The following MCPH1 variants were observed in gnomAD, a reference collection of about 807,000 sequenced individuals.
MCPH1 encodes the protein microcephalin.
A neutral mutation model predicts 84.5 loss-of-function variants in MCPH1; 104 were observed. That is an observed-to-expected ratio of 1.23 (90% CI 1.05 to 1.45). The LOEUF (loss-of-function observed/expected upper bound fraction) is 1.45. Ranked by LOEUF, MCPH1 falls within the 40% of genes most tolerant of loss-of-function variation. The probability of loss-of-function intolerance (pLI) is 0.00; values close to 1 mark genes in which losing one functional copy is unlikely to be tolerated. For missense variants in MCPH1, 1,498 were observed against 1,005.7 expected (o/e 1.49, Z -6.62); for synonymous variants, 514 against 366.8 (o/e 1.40, Z -4.58).
intron 12 of MCPH1, among the ~76,000 whole-genome samples, chr8:6,566,387 C>T (rs1411534221): frequency 2.0e-5 from 3 of 150,872 alleles, no homozygotes; most frequent in East Asian, 2.0e-4. Context: ...CAGCAACCAC[C>T]GTGTGTGGTC....
chr8:6,568,026 C>T (rs1010128285), intron 12 of MCPH1, among the ~76,000 whole-genome samples: 1 of 152,166 alleles, frequency 6.6e-6, no homozygotes, highest in Non-Finnish European at 1.5e-5. Flanking sequence ...TTCAGAGGTT[C>T]CCATGTGTTC....
intron 4 of MCPH1, among the ~76,000 whole-genome samples, chr8:6,434,333 C>G (rs1328910081): frequency 2.6e-5 from 4 of 152,172 alleles, no homozygotes; most frequent in African/African-American, 7.2e-5. Context: ...CTGGCAGAGC[C>G]TCCAGGCAAA....
At position 6,409,525 on chromosome 8, in the gene MCPH1, A is replaced by G. The variant is rs549158124; in HGVS notation, c.114+155A>G. On this transcript the variant is annotated intron_variant, in intron 2 of 13. Coordinates refer to ENST00000344683, the MANE Select transcript of MCPH1 (RefSeq NM_024596.5). ...AAAAGAGCCAAAGTGTGAAGAATTT[A>G]GAACAGTAGGACTTTCAGAACTCAA... Among the ~76,000 whole-genome samples the G allele has an allele frequency of 1.9e-4, 29 of 152,292 alleles. 1 individual carries two copies. The highest frequency in any genetic ancestry group is 2.9e-4 in the Non-Finnish European group (20 of 68,014).
chr8:6,600,155 C>T (rs1251079600), intron 12 of MCPH1, among the ~76,000 whole-genome samples: 1 of 152,228 alleles, frequency 6.6e-6, no homozygotes, highest in African/African-American at 2.4e-5. Context: ...TTGTCCTTTT[C>T]CAAAGGATTA....
At chr8:6,496,525 G>A (rs1002758508) in intron 11 of MCPH1, among the ~76,000 whole-genome samples, 12 of 125,522 alleles carry the variant, frequency 9.6e-5, no homozygotes, top group Non-Finnish European at 1.9e-4. Flanking sequence ...AAGCCCCCCC[G>A]CCCCCCTTCC....
intron 12 of MCPH1, among the ~76,000 whole-genome samples, chr8:6,619,831 G>A (rs757704313): frequency 2.0e-5 from 3 of 152,000 alleles, no homozygotes; most frequent in Non-Finnish European, 2.9e-5. Flanking sequence ...TGACCTGCCC[G>A]CCTCAGCCTC....
chr8:6,409,267 T>C lies in MCPH1; in HGVS notation c.23-12T>C, dbSNP rs578064307. Reference sequence around the variant, plus strand: ...TTCAAATGTATGTTTCATGTTCATATCTTGTTTTCAGATGTAGTGGCCTAT... The same window carrying C: ...TTCAAATGTATGTTTCATGTTCATACCTTGTTTTCAGATGTAGTGGCCTAT... On this transcript the variant is annotated splice_polypyrimidine_tract_variant and intron_variant, in intron 1 of 13. Transcript: ENST00000344683. 4.4e-5 allele frequency: 71 copies of C among 1,600,254 alleles called. No homozygotes were observed. In the South Asian group the frequency reaches 6.2e-4, roughly 14 times the overall value.
chr8:6,581,988 C>T (rs552192697), intron 12 of MCPH1, among the ~76,000 whole-genome samples: 1 of 152,118 alleles, frequency 6.6e-6, no homozygotes, highest in South Asian at 2.1e-4. Context: ...CTAAAGGCAC[C>T]ACCTCCCAGT....
chr8:6,413,271 A>ATCG (rs67194416), intron 2 of MCPH1, among the ~76,000 whole-genome samples: 1 of 504 alleles, frequency 2.0e-3, no homozygotes, highest in Non-Finnish European at 0.014. Context: ...GTTGTCACTT[A>ATCG]TTGTTTGCAT....
intron 12 of MCPH1, among the ~76,000 whole-genome samples, chr8:6,570,287 T>C (rs1271102587): frequency 6.6e-6 from 1 of 152,210 alleles, no homozygotes; most frequent in Non-Finnish European, 1.5e-5. Flanking sequence ...TGGCCCGATA[T>C]ATTTAGAGTA....
At chr8:6,585,907 G>T (rs1827941683) in intron 12 of MCPH1, among the ~76,000 whole-genome samples, 1 of 152,166 alleles carries the variant, frequency 6.6e-6, no homozygotes, top group Admixed American at 6.5e-5. Flanking sequence ...GTTAACCCAA[G>T]TTCACTCACA....
chr8:6,457,623 G>T (rs533530276), intron 9 of MCPH1, among the ~76,000 whole-genome samples: 74 of 152,094 alleles, frequency 4.9e-4, no homozygotes, highest in African/African-American at 1.7e-3. Context: ...ATAAATAAAT[G>T]CTGATTTTCT....
intron 12 of MCPH1, among the ~76,000 whole-genome samples, chr8:6,514,018 A>G (rs558136611): frequency 6.6e-6 from 1 of 152,324 alleles, no homozygotes; most frequent in African/African-American, 2.4e-5. Flanking sequence ...TAGGTCAGTT[A>G]TTAGACACTA....
At chr8:6,550,072 C>G (rs956702548) in intron 12 of MCPH1, among the ~76,000 whole-genome samples, 1 of 152,152 alleles carries the variant, frequency 6.6e-6, no homozygotes, top group African/African-American at 2.4e-5. Flanking sequence ...TGTTGCCCAC[C>G]CTTTATTTCT....
intron 13 of MCPH1, among the ~76,000 whole-genome samples, chr8:6,636,420 A>T (rs1454229427): frequency 3.3e-5 from 5 of 151,722 alleles, no homozygotes; most frequent in Non-Finnish European, 2.9e-5. Context: ...GAGGGCTGAG[A>T]TAGTGATACC....
intron 12 of MCPH1, chr8:6,501,593 T>G (rs1029836108): frequency 6.0e-5 from 9 of 149,758 alleles, no homozygotes; most frequent in African/African-American, 2.2e-4. Flanking sequence ...CTTGCTCTGT[T>G]GCCCCGGCTG....
chr8:6,444,554 C>G lies in MCPH1; in HGVS notation c.832C>G (p.Pro278Ala). ...GAAAGCAAATAATATTCATTCATCA[C>G]CATCTTTCACTCACCTCGATAAATC... ...VLKANNIHSS[P>A]SFTHLDKSSP... Residue 278 changes from proline to alanine, a missense_variant, in exon 8 of 14, where the codon CCA becomes GCA. Coordinates refer to ENST00000344683, the MANE Select transcript of MCPH1 (RefSeq NM_024596.5). 1.2e-6 allele frequency: 2 copies of G among 1,614,116 alleles called. No homozygotes were observed. The highest frequency in any genetic ancestry group is 1.1e-5 in the South Asian group (1 of 91,078).
chr8:6,568,368 G>A (rs932649289), intron 12 of MCPH1, among the ~76,000 whole-genome samples: 2 of 152,136 alleles, frequency 1.3e-5, no homozygotes, highest in Non-Finnish European at 2.9e-5. Context: ...AGAGCAATCC[G>A]TGCAGCTCTC....
At chr8:6,520,746 G>A (rs1817171400) in intron 12 of MCPH1, among the ~76,000 whole-genome samples, 1 of 152,146 alleles carries the variant, frequency 6.6e-6, no homozygotes. Context: ...TAATAAGGAA[G>A]GCAAAATGTG....
Sources: allele counts gnomAD v4.1 joint callset (sites outside exome capture counted in the v4.1 genomes callset), GRCh38; gene constraint gnomAD v4.1.1; transcripts MANE v1.5; gene names NCBI Gene and HGNC (gene_info 2026-07-23, HGNC 2026-07-21).